The following NLRP14 variants were observed in gnomAD, a reference collection of about 807,000 sequenced individuals.
NLRP14 encodes the protein NACHT, LRR and PYD domains-containing protein 14.
Under a neutral mutation model 94.7 loss-of-function variants are expected in NLRP14, and 105 were observed. The ratio of observed to expected loss-of-function variants is 1.11; its 90% confidence interval spans 0.95 to 1.30. The LOEUF is 1.30. Ranked by LOEUF, NLRP14 falls within the 50% of genes most tolerant of loss-of-function variation. NLRP14 has a pLI of 0.00. For synonymous variants in NLRP14, 508 were observed against 459.9 expected (o/e 1.10, Z -1.34); for missense variants, 1,362 against 1,254.1 (o/e 1.09, Z -1.30).
intron 6 of NLRP14, among the ~76,000 whole-genome samples, chr11:7,054,056 A>G (rs1380263080): frequency 6.6e-6 from 1 of 152,094 alleles, no homozygotes; most frequent in East Asian, 1.9e-4. Flanking sequence ...GAACATGGAA[A>G]GTTTGTCTTT....
At chr11:7,036,518 T>C (rs1852165126) in intron 1 of NLRP14, among the ~76,000 whole-genome samples, 1 of 152,288 alleles carries the variant, frequency 6.6e-6, no homozygotes, top group South Asian at 2.1e-4. Context: ...AATATCAAGA[T>C]GTAAGGCATT....
At chr11:7,035,602 T>C (rs2119587161) in intron 1 of NLRP14, among the ~76,000 whole-genome samples, 1 of 152,138 alleles carries the variant, frequency 6.6e-6, no homozygotes, top group East Asian at 1.9e-4. Context: ...GGAGATTTAA[T>C]TAGAGCGACC....
At chr11:7,065,861 C>T (rs1490535292) in intron 10 of NLRP14, among the ~76,000 whole-genome samples, 1 of 152,030 alleles carries the variant, frequency 6.6e-6, no homozygotes, top group African/African-American at 2.4e-5. Flanking sequence ...CCTCTGCTAG[C>T]CCCCATCCCC....
intron 2 of NLRP14, 64 bp downstream of exon 2, chr11:7,038,939 G>A: frequency 6.6e-7 from 1 of 1,509,474 alleles, no homozygotes; most frequent in Non-Finnish European, 9.1e-7. Flanking sequence ...GAGCCCAGTG[G>A]AATGTTTCTG....
At chr11:7,040,332 T>C (rs981298631) in intron 3 of NLRP14, among the ~76,000 whole-genome samples, 8 of 152,222 alleles carry the variant, frequency 5.3e-5, no homozygotes, top group Non-Finnish European at 8.8e-5. Context: ...CTTCGCCTCC[T>C]GTCAGATCAG....
At chr11:7,081,825 G>A in the NLRP14 span, among the ~76,000 whole-genome samples, 6 of 152,126 alleles carry the variant, frequency 3.9e-5, no homozygotes, top group Non-Finnish European at 5.9e-5. Context: ...TTATATAGAC[G>A]TGACTGATTA....
At chr11:7,070,985 T>G (rs1056145262) in intron 11 of NLRP14, among the ~76,000 whole-genome samples, 188 bp from the exon 12 acceptor site, 3 of 152,238 alleles carry the variant, frequency 2.0e-5, no homozygotes, top group African/African-American at 7.2e-5. Flanking sequence ...TCTGTCTTCC[T>G]TCCACTACTT....
chr11:7,090,227 C>T, the NLRP14 span: 2 of 1,611,364 alleles, frequency 1.2e-6, no homozygotes, highest in Non-Finnish European at 1.7e-6. Flanking sequence ...GCCGGTCAGG[C>T]TGCAGGGTGC....
chr11:7,046,656 A>G lies in NLRP14; in HGVS notation c.1959-12A>G, dbSNP rs745435573. On this transcript the variant is annotated splice_polypyrimidine_tract_variant and intron_variant, in intron 4 of 11. Transcript: ENST00000299481. ...CAGCATTGTTTTTCTTTTCTCAATT[A>G]TTTATGCAAAGGGATGGTGATCGCA... The G allele has an allele frequency of 1.2e-6, 2 of 1,611,168 alleles. No homozygotes were observed. The highest frequency in any genetic ancestry group is 1.7e-6 in the Non-Finnish European group (2 of 1,177,492).
the NLRP14 span, among the ~76,000 whole-genome samples, chr11:7,083,744 A>C: frequency 1.3e-5 from 2 of 152,198 alleles, no homozygotes; most frequent in Non-Finnish European, 2.9e-5. Flanking sequence ...CCAGGTGGCT[A>C]CTTCAAGCAA....
chr11:7,048,595 A>G (rs890386641), intron 5 of NLRP14, among the ~76,000 whole-genome samples: 4 of 152,134 alleles, frequency 2.6e-5, no homozygotes, highest in Non-Finnish European at 5.9e-5. Context: ...CTTAGATTTC[A>G]AGCATCTAGA....
At chr11:7,056,275 CTT>C (rs1213960989) in intron 6 of NLRP14, among the ~76,000 whole-genome samples, 2 of 151,638 alleles carry the variant, frequency 1.3e-5, no homozygotes, top group South Asian at 2.1e-4. Context: ...AAAGTACAGA[CTT>C]AATAGTAGGT....
At chr11:7,090,002 A>T in the NLRP14 span, 2 of 1,612,866 alleles carry the variant, frequency 1.2e-6, no homozygotes, top group African/African-American at 1.3e-5. Context: ...GCGCCGCCCC[A>T]GGACGGGGGA....
At chr11:7,046,948 G>A (rs1054146914) in intron 5 of NLRP14, 116 bp downstream of exon 5, 1 of 829,450 alleles carries the variant, frequency 1.2e-6, no homozygotes, top group Non-Finnish European at 2.1e-6. Flanking sequence ...AATCCATTTT[G>A]TAAAATAAAC....
At chr11:7,063,526 G>A (rs186950886) in intron 10 of NLRP14, among the ~76,000 whole-genome samples, 196 of 152,122 alleles carry the variant, frequency 1.3e-3, no homozygotes, top group African/African-American at 4.0e-3. Flanking sequence ...CAGGTAAAGC[G>A]CTGTCAGGGC....
intron 1 of NLRP14, among the ~76,000 whole-genome samples, chr11:7,038,125 G>A (rs1450437903): frequency 6.6e-6 from 1 of 152,148 alleles, no homozygotes; most frequent in Non-Finnish European, 1.5e-5. Context: ...TATATTAGAT[G>A]TTGTTGGGGG....
At chr11:7,039,390 AT>A (rs1565014618) in intron 2 of NLRP14, among the ~76,000 whole-genome samples, 1 of 151,856 alleles carries the variant, frequency 6.6e-6, no homozygotes, top group Non-Finnish European at 1.5e-5. Flanking sequence ...TAATATTCAT[AT>A]CTATTATCTC....
intron 5 of NLRP14, among the ~76,000 whole-genome samples, chr11:7,048,422 G>C (rs1852391612): frequency 6.6e-6 from 1 of 152,100 alleles, no homozygotes; most frequent in South Asian, 2.1e-4. Context: ...CTGTCAATAT[G>C]TACAAGGTAC....
At chr11:7,090,065 A>G in the NLRP14 span, 2 of 1,612,838 alleles carry the variant, frequency 1.2e-6, no homozygotes, top group Non-Finnish European at 1.7e-6. Context: ...GGGGCTACTC[A>G]CCCGATGCCT....
Sources: allele counts gnomAD v4.1 joint callset (sites outside exome capture counted in the v4.1 genomes callset), GRCh38; gene constraint gnomAD v4.1.1; transcripts MANE v1.5; gene names NCBI Gene and HGNC (gene_info 2026-07-23, HGNC 2026-07-21).